The following PTGR2 variants were observed in gnomAD, a reference collection of about 807,000 sequenced individuals.
PTGR2 encodes the protein prostaglandin reductase 2.
A neutral mutation model predicts 43.4 loss-of-function variants in PTGR2; 32 were observed. The observed-to-expected ratio is 0.74, with a 90% confidence interval of 0.56 to 0.99. The LOEUF is 0.99. Among genes scored for constraint, PTGR2 ranks in the 50% least tolerant of loss-of-function variants. The pLI is 0.00. For synonymous variants in PTGR2, 106 were observed against 139.2 expected, an observed-to-expected ratio of 0.76 and a Z score of 1.68; for missense variants, 373 against 420.0, an observed-to-expected ratio of 0.89 and a Z score of 0.98.
intron 1 of PTGR2, among the ~76,000 whole-genome samples, chr14:73,854,403 A>C (rs1179534773): frequency 6.6e-6 from 1 of 152,170 alleles, no homozygotes; most frequent in East Asian, 1.9e-4. Flanking sequence ...TGCCCAGCCA[A>C]GTTATCTATA....
intron 4 of PTGR2, 122 bp from the exon 5 acceptor site, chr14:73,876,876 G>C: frequency 4.6e-6 from 3 of 653,912 alleles, no homozygotes; most frequent in Non-Finnish European, 5.2e-6. Context: ...TCACACTGGG[G>C]CTTAGGGCTT....
intron 3 of PTGR2, among the ~76,000 whole-genome samples, chr14:73,864,701 C>A (rs1566636697): frequency 6.6e-6 from 1 of 152,076 alleles, no homozygotes; most frequent in Non-Finnish European, 1.5e-5. Flanking sequence ...AAGCTTCTTG[C>A]TGGATGTATG....
At chr14:73,876,729 G>A (rs188878953) in intron 4 of PTGR2, among the ~76,000 whole-genome samples, 6 of 151,850 alleles carry the variant, frequency 4.0e-5, no homozygotes, top group East Asian at 1.9e-4. Context: ...CGCCTGCCTC[G>A]GTCTCCCAAA....
intron 3 of PTGR2, among the ~76,000 whole-genome samples, chr14:73,869,854 C>T (rs1315826388): frequency 3.3e-5 from 5 of 152,048 alleles, no homozygotes; most frequent in East Asian, 1.9e-4. Flanking sequence ...GGTGAAACAC[C>T]GTCTCTACGA....
intron 6 of PTGR2, 67 bp downstream of exon 6, chr14:73,879,372 A>G: frequency 7.3e-7 from 1 of 1,374,226 alleles, no homozygotes; most frequent in South Asian, 1.3e-5. Flanking sequence ...CTTTTTACCT[A>G]ATACTGAGAA....
At chr14:73,856,233 A>G (rs1461222680) in intron 1 of PTGR2, among the ~76,000 whole-genome samples, 1 of 151,876 alleles carries the variant, frequency 6.6e-6, no homozygotes, top group African/African-American at 2.4e-5. Flanking sequence ...TAGGTATACC[A>G]TTTTAAAATC....
chr14:73,869,144 CTT>C (rs2054668466), intron 3 of PTGR2, among the ~76,000 whole-genome samples: 1 of 152,154 alleles, frequency 6.6e-6, no homozygotes, highest in Non-Finnish European at 1.5e-5. Flanking sequence ...CCAGACCTCT[CTT>C]TGATATTTTC....
intron 1 of PTGR2, among the ~76,000 whole-genome samples, chr14:73,857,156 T>TA: frequency 6.6e-6 from 1 of 151,880 alleles, no homozygotes; most frequent in Admixed American, 6.6e-5. Context: ...CATATTGTGA[T>TA]ATGGAATTTC....
intron 1 of PTGR2, among the ~76,000 whole-genome samples, chr14:73,855,328 T>C (rs540978897): frequency 6.6e-6 from 1 of 152,336 alleles, no homozygotes; most frequent in South Asian, 2.1e-4. Flanking sequence ...ATTTGCCATA[T>C]AATGACGGTT....
In PTGR2 at chr14:73,879,309, G is replaced by T. The variant is rs1056924221; in HGVS notation, c.729+4G>T. 6.2e-7 allele frequency: 1 copy of T among 1,612,292 alleles called. No homozygotes were observed. Among genetic ancestry groups the T allele is most frequent in the Non-Finnish European group, 8.5e-7 (1 of 1,178,624 alleles). ...CAGTGATACAGTGATAAGTCAGGTT[G>T]TTTGCTGATTTCTATAACAAATTTG... On this transcript the variant is annotated splice_donor_region_variant and intron_variant, in intron 6 of 9. Coordinates refer to ENST00000555661, the MANE Select transcript of PTGR2 (RefSeq NM_001146154.2).
intron 4 of PTGR2, chr14:73,874,477 T>C (rs1446359643): frequency 1.0e-5 from 5 of 502,006 alleles, no homozygotes; most frequent in Admixed American, 2.7e-5. Context: ...ACCATTTTAA[T>C]TCATGTATGT....
intron 5 of PTGR2, chr14:73,878,876 A>G (rs912410914): frequency 1.9e-6 from 1 of 518,054 alleles, no homozygotes; most frequent in Non-Finnish European, 3.4e-6. Flanking sequence ...AAGTTGAGGA[A>G]CATAAGTCTA....
At chr14:73,856,178 C>A (rs1401941664) in intron 1 of PTGR2, among the ~76,000 whole-genome samples, 1 of 152,168 alleles carries the variant, frequency 6.6e-6, no homozygotes, top group Non-Finnish European at 1.5e-5. Flanking sequence ...TCATCCAGAG[C>A]AACTTCTAAT....
At position 73,872,447 on chromosome 14, in the gene PTGR2, A is replaced by G. The variant is rs189403479; in HGVS notation, c.157-1576A>G. Among the ~76,000 whole-genome samples, 318 of 152,328 alleles carry G rather than the reference A, an allele frequency of 2.1e-3. 1 individual carries two copies. The highest frequency in any genetic ancestry group is 7.1e-3 in the African/African-American group (294 of 41,574). On this transcript the variant is annotated intron_variant, in intron 3 of 9. Coordinates refer to ENST00000555661, the MANE Select transcript of PTGR2 (RefSeq NM_001146154.2). ...ATCAGCAACATGTGAGTGTAACCTAATTGGCCACAATCCTTTGAAACCATC... is the reference window on the plus strand; with the variant it reads ...ATCAGCAACATGTGAGTGTAACCTAGTTGGCCACAATCCTTTGAAACCATC...
At chr14:73,857,664 G>GTTTTTTTTTTTTT (rs1213963564) in intron 1 of PTGR2, among the ~76,000 whole-genome samples, 1,012 of 64,714 alleles carry the variant, frequency 0.016, 236 homozygotes, top group East Asian at 0.055. Flanking sequence ...AGCAGTTAGT[G>GTTTTTTTTTTTTT]TTTTTTTTTT....
chr14:73,857,671 T>TTTTTTTTTG (rs2054387765), intron 1 of PTGR2, among the ~76,000 whole-genome samples: 1 of 117,032 alleles, frequency 8.5e-6, no homozygotes, highest in African/African-American at 3.1e-5. Context: ...AGTGTTTTTT[T>TTTTTTTTTG]TTTTTTTTTT....
intron 3 of PTGR2, among the ~76,000 whole-genome samples, chr14:73,865,996 A>G (rs546174378): frequency 6.6e-6 from 1 of 151,574 alleles, no homozygotes; most frequent in African/African-American, 2.4e-5. Context: ...TGAGTCTTCC[A>G]ATCTGTTTTT....
In PTGR2 at chr14:73,879,126, G is replaced by A. The variant is rs2054925292; in HGVS notation, c.550G>A (p.Val184Met). ...CCATTTCTTAGGTTGTTCCAGAGTG[G>A]TGGGAATTTGTGGAACACATGAGAA... The part of the protein sequence containing the change: ...IGHFLGCSRV[V>M]GICGTHEKCI... The change falls in exon 6 of 10, where the codon GTG (valine) becomes ATG (methionine). Residue 184 changes from valine (V) to methionine (M), a missense_variant. By Grantham distance (21) the Val-to-Met change is conservative (BLOSUM62 1). Transcript: ENST00000555661. 2 of 1,614,062 alleles carry A rather than the reference G, an allele frequency of 1.2e-6. No individual in the cohort carries two copies. The highest frequency in any genetic ancestry group is 1.7e-6 in the Non-Finnish European group (2 of 1,180,010).
In PTGR2 at chr14:73,877,172, A is replaced by C; in HGVS notation, c.519+4A>C. On this transcript the variant is annotated splice_donor_region_variant and intron_variant, in intron 5 of 9. Transcript: ENST00000555661. ...CTGTGGATCTGTGGCTGGGCAGGTAAACTTTCTGAGAATTATTTGATTTTC... is the reference window on the plus strand; with the variant it reads ...CTGTGGATCTGTGGCTGGGCAGGTACACTTTCTGAGAATTATTTGATTTTC... 6.3e-7 allele frequency: 1 copy of C among 1,596,424 alleles called. No individual in the cohort carries two copies. Among genetic ancestry groups the C allele is most frequent in the Non-Finnish European group, 8.5e-7 (1 of 1,173,704 alleles).
Sources: allele counts gnomAD v4.1 joint callset (sites outside exome capture counted in the v4.1 genomes callset), GRCh38; gene constraint gnomAD v4.1.1; transcripts MANE v1.5; gene names NCBI Gene and HGNC (gene_info 2026-07-23, HGNC 2026-07-21).